The following ZNF503 variants were observed in gnomAD, a reference collection of about 807,000 sequenced individuals.
ZNF503 encodes the protein zinc finger protein 503, also known as NocA-like zinc finger 2.
A neutral mutation model predicts 34.4 loss-of-function variants in ZNF503; 15 were observed. The observed-to-expected ratio is 0.44, with a 90% CI of 0.29 to 0.67. The LOEUF is 0.67. Ranked by LOEUF, ZNF503 falls within the 30% of genes least tolerant of loss-of-function variation. The pLI is 0.13. For missense variants in ZNF503, 1,007 were observed against 926.8 expected (o/e 1.09, Z -1.12); for synonymous variants, 580 against 456.8 (o/e 1.27, Z -3.44).
At chr10:75,299,407 A>G in the ZNF503 span, among the ~76,000 whole-genome samples, 1 of 152,144 alleles carries the variant, frequency 6.6e-6, no homozygotes, top group African/African-American at 2.4e-5. Context: ...TGAGTGAGCT[A>G]TTGAACTTTC....
chr10:75,378,612 A>C, the ZNF503 span, among the ~76,000 whole-genome samples: 2 of 152,174 alleles, frequency 1.3e-5, no homozygotes, highest in Admixed American at 6.5e-5. Context: ...TATGCCTGTC[A>C]ATATAATGCA....
the ZNF503 span, chr10:75,373,339 C>T: frequency 6.6e-6 from 1 of 152,264 alleles, no homozygotes; most frequent in East Asian, 1.9e-4. Flanking sequence ...GTTGCAACCA[C>T]ATTTGGGGTC....
At chr10:75,326,620 T>C in the ZNF503 span, among the ~76,000 whole-genome samples, 1 of 152,058 alleles carries the variant, frequency 6.6e-6, no homozygotes, top group Admixed American at 6.6e-5. Context: ...CCTTTTTTTT[T>C]GTTTGACTTT....
chr10:75,383,326 C>T, the ZNF503 span, among the ~76,000 whole-genome samples: 1 of 152,148 alleles, frequency 6.6e-6, no homozygotes, highest in Non-Finnish European at 1.5e-5. Flanking sequence ...CTCCTCAGCC[C>T]CCATTCCTCC....
chr10:75,348,692 T>G, the ZNF503 span, among the ~76,000 whole-genome samples: 1 of 151,508 alleles, frequency 6.6e-6, no homozygotes, highest in African/African-American at 2.4e-5. Flanking sequence ...TTTTGTATTT[T>G]TAGTAGAGAC....
At chr10:75,345,955 G>A in the ZNF503 span, among the ~76,000 whole-genome samples, 481 of 152,348 alleles carry the variant, frequency 3.2e-3, no homozygotes, top group Non-Finnish European at 5.3e-3. Context: ...CTTGCTGGTG[G>A]ATATGGAGGG....
chr10:75,393,454 G>T (rs1455521566), downstream of ZNF503, among the ~76,000 whole-genome samples: 1 of 152,188 alleles, frequency 6.6e-6, no homozygotes, highest in African/African-American at 2.4e-5. Flanking sequence ...TGAGTTGGAG[G>T]GGGTAGCGAG....
the ZNF503 span, among the ~76,000 whole-genome samples, chr10:75,300,485 T>C: frequency 6.6e-6 from 1 of 152,132 alleles, no homozygotes; most frequent in African/African-American, 2.4e-5. Flanking sequence ...ACAAGGGTAT[T>C]GATTGGGGAA....
the ZNF503 span, among the ~76,000 whole-genome samples, chr10:75,374,437 A>C: frequency 6.6e-6 from 1 of 152,204 alleles, no homozygotes; most frequent in Non-Finnish European, 1.5e-5. Flanking sequence ...CTAGCTGTGC[A>C]TCACTCATAC....
chr10:75,380,014 AGAG>A, the ZNF503 span, among the ~76,000 whole-genome samples: 3 of 152,200 alleles, frequency 2.0e-5, no homozygotes. Flanking sequence ...TGGAAGGAAT[AGAG>A]TGTCTGGTAA....
chr10:75,283,154 A>C, the ZNF503 span: 1 of 152,240 alleles, frequency 6.6e-6, no homozygotes, highest in Non-Finnish European at 1.5e-5. Flanking sequence ...AATTGGATGG[A>C]AGAGGACAAG....
Position 75,401,728 on chromosome 10 carries a change from C to T in ZNF503, c.-309G>A, listed in dbSNP as rs1376300977. ...CGCGGCCCCGCGCCGGCGCTGCGCT[C>T]TGCGATGCGAGCCGCTGCGTGTCCA... On this transcript the variant is annotated 5_prime_UTR_variant, in exon 1 of 2. Coordinates refer to ENST00000372524, the MANE Select transcript of ZNF503 (RefSeq NM_032772.6). The T allele has an allele frequency of 2.6e-5, 10 of 386,512 alleles. No homozygotes were observed. The highest frequency in any genetic ancestry group is 4.1e-5 in the Non-Finnish European group (9 of 217,364). The allele number at this position is 386,512 out of a possible 1,614,324, so 23.9% of individuals were successfully genotyped here. A position where few individuals can be genotyped will look rare whatever the true frequency, so the allele number is the denominator to read the frequency against.
the ZNF503 span, among the ~76,000 whole-genome samples, chr10:75,390,150 G>T: frequency 1.3e-5 from 2 of 151,910 alleles, no homozygotes; most frequent in Non-Finnish European, 2.9e-5. Context: ...GCCTGCCTCA[G>T]CCTCCCAAAG....
Position 75,401,686 on chromosome 10 carries a change from C to G in ZNF503, c.-267G>C. The G allele has an allele frequency of 2.2e-6, 1 of 451,452 alleles. No individual in the cohort carries two copies. The highest frequency in any genetic ancestry group is 3.9e-6 in the Non-Finnish European group (1 of 257,612). The allele number at this position is 451,452 out of a possible 1,614,324, so 28.0% of individuals were successfully genotyped here. A position where few individuals can be genotyped will look rare whatever the true frequency, so the allele number is the denominator to read the frequency against. ...CTCGCGGTGTCCGCCTCGGGCTGCTCCCCTGCGCTGCGTTCTCGCGGCCCC... is the reference window on the plus strand; with the variant it reads ...CTCGCGGTGTCCGCCTCGGGCTGCTGCCCTGCGCTGCGTTCTCGCGGCCCC... On this transcript the variant is annotated 5_prime_UTR_variant, in exon 1 of 2. Coordinates refer to ENST00000372524, the MANE Select transcript of ZNF503 (RefSeq NM_032772.6).
chr10:75,370,778 CAAAAAAAAAAAAAAAAAAAAAAAAA>C, the ZNF503 span, among the ~76,000 whole-genome samples: 1 of 67,974 alleles, frequency 1.5e-5, no homozygotes, highest in Non-Finnish European at 2.6e-5. Flanking sequence ...GGCTCCATCT[CAAAAAAAAAAAAAAAAAAAAAAAAA>C]AAAAAAAAAA....
At chr10:75,365,706 G>A in the ZNF503 span, among the ~76,000 whole-genome samples, 1 of 152,172 alleles carries the variant, frequency 6.6e-6, no homozygotes, top group Non-Finnish European at 1.5e-5. Context: ...CCTCTGGAAT[G>A]GGGTTGGTAA....
chr10:75,352,793 T>C, the ZNF503 span, among the ~76,000 whole-genome samples: 1 of 152,208 alleles, frequency 6.6e-6, no homozygotes, highest in South Asian at 2.1e-4. Flanking sequence ...GACAAAGCAA[T>C]TCAGAGCATG....
the ZNF503 span, among the ~76,000 whole-genome samples, chr10:75,374,350 C>T: frequency 6.6e-6 from 1 of 152,124 alleles, no homozygotes; most frequent in South Asian, 2.1e-4. Context: ...AAGTCACGTC[C>T]ACTGTTCCCA....
chr10:75,372,513 C>A, the ZNF503 span, among the ~76,000 whole-genome samples: 1 of 152,194 alleles, frequency 6.6e-6, no homozygotes, highest in Non-Finnish European at 1.5e-5. Context: ...TCTGTAAGCA[C>A]CTGCCTGACT....
Sources: allele counts gnomAD v4.1 joint callset (sites outside exome capture counted in the v4.1 genomes callset), GRCh38; gene constraint gnomAD v4.1.1; transcripts MANE v1.5; gene names NCBI Gene and HGNC (gene_info 2026-07-23, HGNC 2026-07-21).